FRMD5: variants seen among roughly 807,000 people sequenced by gnomAD.
FRMD5 encodes the protein FERM domain containing 5.
In FRMD5, 20 loss-of-function variants were observed where a neutral mutation model predicts 69.0. The ratio of observed to expected loss-of-function variants is 0.29; its 90% confidence interval spans 0.20 to 0.42. The LOEUF (loss-of-function observed/expected upper bound fraction) is 0.42. Among genes scored for constraint, FRMD5 ranks in the 10% least tolerant of loss-of-function variants. The pLI, the probability that FRMD5 is intolerant of heterozygous loss-of-function variation, is 1.00. For missense variants in FRMD5, 595 were observed against 708.6 expected, an observed-to-expected ratio of 0.84 and a Z score of 1.82; for synonymous variants, 271 against 260.1, an observed-to-expected ratio of 1.04 and a Z score of -0.40.
intron 7 of FRMD5, among the ~76,000 whole-genome samples, chr15:43,901,739 A>C (rs920438799): frequency 6.6e-6 from 1 of 152,228 alleles, no homozygotes; most frequent in Non-Finnish European, 1.5e-5. Context: ...TAATGGCATT[A>C]AATGTGACTC....
chr15:44,087,495 GTAGTT>G (rs1243950756), intron 1 of FRMD5, among the ~76,000 whole-genome samples: 1 of 152,116 alleles, frequency 6.6e-6, no homozygotes, highest in Admixed American at 6.6e-5. Context: ...TTCTAGTGCA[GTAGTT>G]TAAAGTATAG....
chr15:43,894,742 G>C (rs1405890518), intron 7 of FRMD5, among the ~76,000 whole-genome samples: 1 of 152,130 alleles, frequency 6.6e-6, no homozygotes, highest in Non-Finnish European at 1.5e-5. Context: ...GGCAGTGACA[G>C]GCAGAAGAGC....
At chr15:43,990,927 A>G (rs1889644573) in intron 1 of FRMD5, among the ~76,000 whole-genome samples, 1 of 152,262 alleles carries the variant, frequency 6.6e-6, no homozygotes, top group Non-Finnish European at 1.5e-5. Flanking sequence ...ACAAAAACCA[A>G]TTTTAACTGG....
chr15:44,002,349 T>A (rs1890251065), intron 1 of FRMD5, among the ~76,000 whole-genome samples: 1 of 152,182 alleles, frequency 6.6e-6, no homozygotes, highest in Admixed American at 6.5e-5. Flanking sequence ...TATCTCAATG[T>A]TAAAAACCAT....
At chr15:44,162,917 G>A (rs2077645233) in intron 1 of FRMD5, among the ~76,000 whole-genome samples, 1 of 148,988 alleles carries the variant, frequency 6.7e-6, no homozygotes, top group Non-Finnish European at 1.5e-5. Context: ...GCTCACGCCT[G>A]TAATCCCAGC....
At chr15:43,880,725 C>T (rs2088502294) in intron 13 of FRMD5, among the ~76,000 whole-genome samples, 1 of 152,246 alleles carries the variant, frequency 6.6e-6, no homozygotes, top group Admixed American at 6.5e-5. Flanking sequence ...TGAGAAGCAC[C>T]TGGAAGTCTG....
chr15:44,164,203 C>T (rs2077669920), intron 1 of FRMD5, among the ~76,000 whole-genome samples: 1 of 152,138 alleles, frequency 6.6e-6, no homozygotes, highest in Non-Finnish European at 1.5e-5. Flanking sequence ...CCCTGAAAGC[C>T]CTTACTTACT....
At chr15:44,034,373 G>C (rs1891818945) in intron 1 of FRMD5, among the ~76,000 whole-genome samples, 1 of 151,956 alleles carries the variant, frequency 6.6e-6, no homozygotes, top group African/African-American at 2.4e-5. Context: ...CTACTTATAT[G>C]GTCTGTTACC....
chr15:44,013,591 A>T (rs1890822225), intron 1 of FRMD5, among the ~76,000 whole-genome samples: 1 of 152,172 alleles, frequency 6.6e-6, no homozygotes, highest in Non-Finnish European at 1.5e-5. Flanking sequence ...AGTAATACAA[A>T]CTATTAATAT....
chr15:44,008,286 CAG>C (rs1890553429), intron 1 of FRMD5, among the ~76,000 whole-genome samples: 1 of 150,882 alleles, frequency 6.6e-6, no homozygotes, highest in African/African-American at 2.4e-5. Context: ...TTTTTTGAGA[CAG>C]AGTCTTGCTC....
chr15:44,119,242 G>A (rs903102242), intron 1 of FRMD5, among the ~76,000 whole-genome samples: 1 of 152,118 alleles, frequency 6.6e-6, no homozygotes, highest in Non-Finnish European at 1.5e-5. Flanking sequence ...TTACAGGTGT[G>A]AGCCACTGCA....
chr15:43,946,606 G>T (rs2089951228), intron 1 of FRMD5, among the ~76,000 whole-genome samples: 1 of 152,162 alleles, frequency 6.6e-6, no homozygotes, highest in African/African-American at 2.4e-5. Flanking sequence ...GGAGTCTTAG[G>T]GGAGGGAAAG....
chr15:43,959,669 A>G (rs984306021), intron 1 of FRMD5, among the ~76,000 whole-genome samples: 12 of 152,190 alleles, frequency 7.9e-5, no homozygotes, highest in Admixed American at 2.6e-4. Context: ...CTGTGAATAT[A>G]TGATTTAGAA....
intron 1 of FRMD5, among the ~76,000 whole-genome samples, chr15:44,170,313 G>A (rs988465052): frequency 6.6e-6 from 1 of 151,986 alleles, no homozygotes; most frequent in Non-Finnish European, 1.5e-5. Context: ...ACCTGAGGTC[G>A]GCAGTTCGAG....
rs151285036 is a variant in FRMD5, at chr15:44,178,725, T to A, written c.102+16228A>T. Among the ~76,000 whole-genome samples the A allele has an allele frequency of 5.2e-4, 79 of 152,240 alleles. 1 individual carries two copies. The East Asian group carries it at 9.5e-3, about 18-fold the overall frequency. On this transcript the variant is annotated intron_variant, in intron 1 of 13. Transcript: ENST00000417257. The stretch of plus-strand genomic sequence containing the variant: ...ATACCCAAGTCTAGGCCGGGTACGG[T>A]GGCTCACACTTGTAATCCCAGCACT...
At chr15:44,072,211 A>C (rs574318894) in intron 1 of FRMD5, among the ~76,000 whole-genome samples, 2 of 152,308 alleles carry the variant, frequency 1.3e-5, no homozygotes, top group South Asian at 4.1e-4. Context: ...CTGATTGTAC[A>C]AACAGACAAA....
intron 1 of FRMD5, among the ~76,000 whole-genome samples, chr15:43,957,354 CCTGA>C (rs1469660790): frequency 6.6e-6 from 1 of 152,124 alleles, no homozygotes; most frequent in South Asian, 2.1e-4. Context: ...CACCACCATG[CCTGA>C]CTAATTTTTT....
At chr15:43,977,418 G>A (rs933796684) in intron 1 of FRMD5, among the ~76,000 whole-genome samples, 1 of 152,062 alleles carries the variant, frequency 6.6e-6, no homozygotes, top group African/African-American at 2.4e-5. Context: ...GGTTCTCTTT[G>A]ACTACTTCCT....
intron 1 of FRMD5, among the ~76,000 whole-genome samples, chr15:43,953,266 C>A (rs915230890): frequency 1.3e-5 from 2 of 152,198 alleles, no homozygotes; most frequent in African/African-American, 2.4e-5. Context: ...TGCACAGATT[C>A]TGCAAGGTAA....
Sources: allele counts gnomAD v4.1 joint callset (sites outside exome capture counted in the v4.1 genomes callset), GRCh38; gene constraint gnomAD v4.1.1; transcripts MANE v1.5; gene names NCBI Gene and HGNC (gene_info 2026-07-23, HGNC 2026-07-21).